Variants in RNF6 observed in about 807,000 individuals in gnomAD.
The protein encoded by RNF6 is E3 ubiquitin-protein ligase RNF6.
A neutral mutation model predicts 50.1 loss-of-function variants in RNF6; 21 were observed. The observed-to-expected ratio is 0.42, with a 90% CI of 0.30 to 0.60. The LOEUF is 0.60. Among genes scored for constraint, RNF6 ranks in the 20% least tolerant of loss-of-function variants. The pLI, the probability that RNF6 is intolerant of heterozygous loss-of-function variation, is 0.20. For missense variants in RNF6, 698 were observed against 838.2 expected (o/e 0.83, Z 2.07); for synonymous variants, 255 against 291.8 (o/e 0.87, Z 1.29).
chr13:26,165,759 T>C (rs934610617), intron 5 of RNF6, among the ~76,000 whole-genome samples: 1 of 152,224 alleles, frequency 6.6e-6, no homozygotes, highest in Non-Finnish European at 1.5e-5. Flanking sequence ...TTTCTCCCAT[T>C]TGGAATGGCT....
At chr13:26,144,786 T>A (rs767159226) in intron 5 of RNF6, 4 of 152,224 alleles carry the variant, frequency 2.6e-5, no homozygotes, top group Non-Finnish European at 4.4e-5. Context: ...AAGAAGGCAG[T>A]GTAGCAAGAG....
chr13:26,196,738 G>A (rs1237241781), intron 5 of RNF6, among the ~76,000 whole-genome samples: 1 of 4,422 alleles, frequency 2.3e-4, no homozygotes, highest in African/African-American at 2.5e-4. Flanking sequence ...TAAGCTGAAG[G>A]GAAAGTATAC....
chr13:26,168,512 AC>A (rs1237589558), intron 5 of RNF6, among the ~76,000 whole-genome samples: 3 of 152,186 alleles, frequency 2.0e-5, no homozygotes, highest in African/African-American at 7.2e-5. Flanking sequence ...TCTCCTCCCA[AC>A]TACATATGCT....
chr13:26,162,434 T>C (rs1445052785), intron 5 of RNF6, among the ~76,000 whole-genome samples: 5 of 152,238 alleles, frequency 3.3e-5, no homozygotes, highest in Admixed American at 6.5e-5. Context: ...CTGTATGGCA[T>C]GTGCTGACCT....
chr13:26,192,767 A>G (rs972800531), intron 5 of RNF6, among the ~76,000 whole-genome samples: 6 of 152,186 alleles, frequency 3.9e-5, no homozygotes, highest in Non-Finnish European at 5.9e-5. Context: ...AAAACAGGTG[A>G]GCTCTGAAGT....
chr13:26,204,169 AGACCCAAACT>A (rs1869005243), intron 5 of RNF6, among the ~76,000 whole-genome samples: 1 of 151,988 alleles, frequency 6.6e-6, no homozygotes, highest in Non-Finnish European at 1.5e-5. Context: ...CACTTCTCGG[AGACCCAAACT>A]GACAAAATAT....
At chr13:26,215,629 T>C (rs1566441451) in intron 4 of RNF6, 37 bp from the exon 5 acceptor site, 2 of 1,517,022 alleles carry the variant, frequency 1.3e-6, no homozygotes, top group African/African-American at 1.4e-5. Flanking sequence ...GATCAATTCC[T>C]AAGACACACC....
At chr13:26,181,170 C>A (rs1873217882) in intron 5 of RNF6, among the ~76,000 whole-genome samples, 1 of 152,186 alleles carries the variant, frequency 6.6e-6, no homozygotes, top group East Asian at 1.9e-4. Flanking sequence ...ATTCCCCGCC[C>A]CTGTGCACCC....
chr13:26,219,504 T>C lies in RNF6; in HGVS notation c.146A>G (p.Asp49Gly). 1 of 1,613,968 alleles carries C rather than the reference T, an allele frequency of 6.2e-7. No individual in the cohort carries two copies. Among genetic ancestry groups the C allele is most frequent in the Non-Finnish European group, 8.5e-7 (1 of 1,179,914 alleles). ...AYYQFINELN[D>G]EDYRLMRDHN... ...GTCTCTCATAAGCCGATAATCTTCA[T>C]CATTGAGTTCATTAATAAACTGATA... Residue 49 changes from aspartate (D) to glycine (G), a missense_variant, in exon 3 of 5, where the codon GAT becomes GGT. By Grantham distance (94) the Asp-to-Gly change is moderately conservative. Transcript: ENST00000381588.
intron 5 of RNF6, among the ~76,000 whole-genome samples, chr13:26,140,434 G>C (rs1461268422): frequency 6.6e-6 from 1 of 152,140 alleles, no homozygotes; most frequent in Admixed American, 6.6e-5. Context: ...AAAGTGTTCA[G>C]TAAAATCCAA....
intron 5 of RNF6, among the ~76,000 whole-genome samples, chr13:26,186,449 G>A (rs1049419295): frequency 1.3e-5 from 2 of 152,246 alleles, no homozygotes; most frequent in Admixed American, 6.5e-5. Context: ...CGTCTGCGTG[G>A]CACGTGGGCC....
At chr13:26,173,178 C>T (rs1323639699) in intron 5 of RNF6, among the ~76,000 whole-genome samples, 1 of 152,220 alleles carries the variant, frequency 6.6e-6, no homozygotes, top group Non-Finnish European at 1.5e-5. Flanking sequence ...CAAGTTTAGG[C>T]TGTGCATGCC....
chr13:26,133,505 G>A (rs1030949458), intron 5 of RNF6, among the ~76,000 whole-genome samples: 18 of 152,244 alleles, frequency 1.2e-4, no homozygotes, highest in East Asian at 7.7e-4. Flanking sequence ...ACCTGATCAC[G>A]TTTGTCAGTC....
At chr13:26,190,166 A>T (rs758205849) in intron 5 of RNF6, among the ~76,000 whole-genome samples, 1 of 152,118 alleles carries the variant, frequency 6.6e-6, no homozygotes, top group African/African-American at 2.4e-5. Flanking sequence ...AAAGCCAGCA[A>T]TGTTGCATCT....
At chr13:26,140,012 T>C (rs1357815682) in intron 5 of RNF6, among the ~76,000 whole-genome samples, 2 of 152,124 alleles carry the variant, frequency 1.3e-5, no homozygotes, top group African/African-American at 4.8e-5. Flanking sequence ...TTTTGACTGA[T>C]ACGTAACTAT....
chr13:26,186,400 T>C (rs1223645416), intron 5 of RNF6, among the ~76,000 whole-genome samples: 1 of 152,076 alleles, frequency 6.6e-6, no homozygotes, highest in East Asian at 2.0e-4. Flanking sequence ...AGGAACGCGC[T>C]CGTTGGGCCG....
chr13:26,188,242 C>T (rs1191984939), intron 5 of RNF6, among the ~76,000 whole-genome samples: 1 of 152,144 alleles, frequency 6.6e-6, no homozygotes, highest in Non-Finnish European at 1.5e-5. Flanking sequence ...ACTGGTGGTT[C>T]ACAAGGACAG....
intron 5 of RNF6, among the ~76,000 whole-genome samples, chr13:26,203,101 G>A (rs1868957327): frequency 6.6e-6 from 1 of 152,208 alleles, no homozygotes; most frequent in African/African-American, 2.4e-5. Context: ...GGCAATTTGG[G>A]CCATGAGCTG....
intron 5 of RNF6, among the ~76,000 whole-genome samples, chr13:26,163,095 G>T (rs903751627): frequency 1.3e-5 from 2 of 151,932 alleles, no homozygotes; most frequent in Admixed American, 1.3e-4. Flanking sequence ...TGGATCACGA[G>T]GTCAGGAGAT....
Sources: gnomAD v4.1 joint callset for allele counts (sites outside exome capture counted in the v4.1 genomes callset) on GRCh38, gnomAD v4.1.1 for gene constraint, MANE v1.5 for transcripts, NCBI Gene and HGNC (gene_info 2026-07-23, HGNC 2026-07-21) for gene names.